Variants in LHFPL3 observed in about 807,000 individuals in gnomAD.
The protein encoded by LHFPL3 is LHFPL tetraspan subfamily member 3.
A neutral mutation model predicts 19.3 loss-of-function variants in LHFPL3; 5 were observed. The ratio of observed to expected loss-of-function variants is 0.26; its 90% CI spans 0.14 to 0.54. The LOEUF (loss-of-function observed/expected upper bound fraction) is 0.54. Ranked by LOEUF, LHFPL3 falls within the 20% of genes least tolerant of loss-of-function variation. LHFPL3 has a pLI of 0.94. For missense variants in LHFPL3, 249 were observed against 307.4 expected (o/e 0.81, Z 1.42); for synonymous variants, 133 against 126.2 (o/e 1.05, Z -0.36).
intron 2 of LHFPL3, among the ~76,000 whole-genome samples, chr7:104,878,144 A>G (rs1791984393): frequency 6.6e-6 from 1 of 152,040 alleles, no homozygotes; most frequent in Non-Finnish European, 1.5e-5. Flanking sequence ...CTATAGCACC[A>G]TTTTTCATAA....
At chr7:104,402,016 A>T (rs184585236) in intron 1 of LHFPL3, among the ~76,000 whole-genome samples, 2 of 152,278 alleles carry the variant, frequency 1.3e-5, no homozygotes, top group Non-Finnish European at 2.9e-5. Flanking sequence ...GAAAAAGTAT[A>T]AAACACTGAG....
rs1377172411 is a variant in LHFPL3 at position 104,328,790 on chromosome 7, C to T, written c.11C>T (p.Ala4Val). The T allele has an allele frequency of 6.3e-7, 1 of 1,593,298 alleles. No individual in the cohort carries two copies. The highest frequency in any genetic ancestry group is 8.5e-7 in the Non-Finnish European group (1 of 1,169,822). The change falls in exon 1 of 3, where the codon GCC (alanine) becomes GTC (valine). Residue 4 changes from alanine (A) to valine (V), a missense_variant. Ala to Val is a moderately conservative substitution (Grantham distance 64). Coordinates refer to ENST00000424859, the MANE Select transcript of LHFPL3 (RefSeq NM_199000.3). The surrounding 1 kb of genome is among the most constrained non-coding windows in gnomAD (Gnocchi z 4.6). ...AGGAGGAGGGGGAGAATGCCCGGAG[C>T]CGCCGCCGCTGCCGCCGCCGCCGCC... MPGAAAAAAAAAAA... is the reference protein window; with the variant it reads MPGVAAAAAAAAAA...
At chr7:104,395,031 C>T (rs539798601) in intron 1 of LHFPL3, among the ~76,000 whole-genome samples, 6 of 152,010 alleles carry the variant, frequency 3.9e-5, no homozygotes, top group Admixed American at 1.3e-4. Context: ...CCCAAGCTAC[C>T]GTATGCTGTA....
intron 1 of LHFPL3, among the ~76,000 whole-genome samples, chr7:104,513,499 C>T (rs566394401): frequency 6.6e-6 from 1 of 152,192 alleles, no homozygotes; most frequent in African/African-American, 2.4e-5. Context: ...TATTTTGGAA[C>T]TGTCCCTGGT....
At chr7:104,752,503 A>G (rs899065643) in intron 2 of LHFPL3, among the ~76,000 whole-genome samples, 6 of 145,058 alleles carry the variant, frequency 4.1e-5, no homozygotes, top group South Asian at 2.4e-4. Flanking sequence ...TTCTTTTCCA[A>G]TCTTTTAGAT....
At chr7:104,804,268 G>A (rs1173917994) in intron 2 of LHFPL3, among the ~76,000 whole-genome samples, 1 of 152,204 alleles carries the variant, frequency 6.6e-6, no homozygotes, top group African/African-American at 2.4e-5. Flanking sequence ...TTCGACATCT[G>A]GGGCTGAGAC....
At chr7:104,726,265 C>T (rs773601428) in intron 1 of LHFPL3, among the ~76,000 whole-genome samples, 21 of 151,724 alleles carry the variant, frequency 1.4e-4, no homozygotes, top group Non-Finnish European at 2.4e-4. Context: ...CATTTTCAAA[C>T]GTATTTTAGT....
chr7:104,550,633 G>C (rs370182476), intron 1 of LHFPL3, among the ~76,000 whole-genome samples: 9 of 152,156 alleles, frequency 5.9e-5, no homozygotes, highest in African/African-American at 1.9e-4. Flanking sequence ...AGTCACTGGA[G>C]TTTTCAGCAG....
chr7:104,539,395 T>C (rs1055446140), intron 1 of LHFPL3, among the ~76,000 whole-genome samples: 7 of 152,176 alleles, frequency 4.6e-5, no homozygotes, highest in South Asian at 2.1e-4. Flanking sequence ...AGGTAGAATA[T>C]AGTAAGCCCC....
intron 1 of LHFPL3, among the ~76,000 whole-genome samples, chr7:104,410,275 AGC>A (rs1791510874): frequency 6.6e-6 from 1 of 152,032 alleles, no homozygotes; most frequent in South Asian, 2.1e-4. Flanking sequence ...TGGGATTACA[AGC>A]GCCTGCCACC....
chr7:104,636,275 T>C (rs936024989), intron 1 of LHFPL3, among the ~76,000 whole-genome samples: 33 of 152,074 alleles, frequency 2.2e-4, no homozygotes, highest in African/African-American at 7.7e-4. Context: ...TATATAGAAA[T>C]ATGGAAGTTA....
intron 1 of LHFPL3, among the ~76,000 whole-genome samples, chr7:104,450,386 A>G (rs138224565): frequency 0.011 from 1,660 of 152,338 alleles, 39 homozygotes; most frequent in African/African-American, 0.037. Flanking sequence ...ATGGCATTCC[A>G]TAGTGTATAT....
intron 2 of LHFPL3, among the ~76,000 whole-genome samples, chr7:104,871,910 G>A (rs941693789): frequency 7.3e-5 from 11 of 151,476 alleles, no homozygotes; most frequent in Admixed American, 5.9e-4. Context: ...TGCCCGCCTC[G>A]GCCTCCCAAA....
At chr7:104,414,753 C>T (rs770328162) in intron 1 of LHFPL3, among the ~76,000 whole-genome samples, 10 of 152,192 alleles carry the variant, frequency 6.6e-5, no homozygotes, top group Non-Finnish European at 1.5e-4. Context: ...CATTCAATTT[C>T]GTGCTGCCAA....
At chr7:104,595,929 T>C (rs771819140) in intron 1 of LHFPL3, among the ~76,000 whole-genome samples, 7 of 152,244 alleles carry the variant, frequency 4.6e-5, no homozygotes, top group Non-Finnish European at 1.0e-4. Context: ...AACAGAATAT[T>C]GGGGCAGGAG....
At chr7:104,850,988 C>A (rs1050354616) in intron 2 of LHFPL3, among the ~76,000 whole-genome samples, 1 of 152,190 alleles carries the variant, frequency 6.6e-6, no homozygotes, top group African/African-American at 2.4e-5. Flanking sequence ...ACCCACAGGC[C>A]ACCACTTTGA....
At chr7:104,457,226 G>A (rs868048761) in intron 1 of LHFPL3, among the ~76,000 whole-genome samples, 65 of 151,858 alleles carry the variant, frequency 4.3e-4, no homozygotes, top group African/African-American at 1.4e-3. Context: ...CCATTAACTC[G>A]TCATTTAGCA....
intron 2 of LHFPL3, among the ~76,000 whole-genome samples, chr7:104,885,955 A>G (rs1446948794): frequency 3.3e-5 from 5 of 152,116 alleles, no homozygotes; most frequent in Non-Finnish European, 7.4e-5. Context: ...GCCTCCACCT[A>G]GAAGGTGGAT....
intron 1 of LHFPL3, among the ~76,000 whole-genome samples, chr7:104,393,662 G>C (rs1318190033): frequency 6.6e-6 from 1 of 152,158 alleles, no homozygotes; most frequent in African/African-American, 2.4e-5. Context: ...GTTGCAGTGA[G>C]CCGAGACCAT....
Sources: gnomAD v4.1 joint callset for allele counts (sites outside exome capture counted in the v4.1 genomes callset) on GRCh38, gnomAD v4.1.1 for gene constraint, Gnocchi (gnomAD v3.1) non-coding constraint, MANE v1.5 for transcripts, NCBI Gene and HGNC (gene_info 2026-07-23, HGNC 2026-07-21) for gene names.